The following NAA35 variants were observed in gnomAD, a reference collection of about 807,000 sequenced individuals.
The protein encoded by NAA35 is N-alpha-acetyltransferase 35, NatC auxiliary subunit, also known as MAK10 homolog, amino-acid N-acetyltransferase subunit.
In NAA35, 18 loss-of-function variants were observed where a neutral mutation model predicts 101.7. The observed-to-expected ratio is 0.18, with a 90% confidence interval of 0.12 to 0.26. NAA35 has a LOEUF of 0.26. NAA35 is among the 10% of genes least tolerant of loss of function. NAA35 has a pLI of 1.00. For missense variants in NAA35, 601 were observed against 886.8 expected (o/e 0.68, Z 4.09); for synonymous variants, 267 against 273.1 (o/e 0.98, Z 0.22).
chr9:85,989,123 C>CACATCA (rs1199099594), intron 11 of NAA35, among the ~76,000 whole-genome samples: 1 of 152,156 alleles, frequency 6.6e-6, no homozygotes, highest in Admixed American at 6.5e-5. Context: ...CATGGTTCTT[C>CACATCA]ACATCAACAT....
chr9:85,946,098 T>C (rs1268721649), intron 2 of NAA35, among the ~76,000 whole-genome samples: 1 of 152,086 alleles, frequency 6.6e-6, no homozygotes, highest in Non-Finnish European at 1.5e-5. Flanking sequence ...TAAGTAACAC[T>C]TCTAGGCTTG....
chr9:85,952,168 C>G (rs1015359243), intron 2 of NAA35, among the ~76,000 whole-genome samples: 10 of 150,306 alleles, frequency 6.7e-5, no homozygotes, highest in Admixed American at 2.7e-4. Context: ...GTGACAGACT[C>G]ATGTATTTTT....
intron 2 of NAA35, among the ~76,000 whole-genome samples, chr9:85,946,026 CTAAATTATT>C (rs1828746259): frequency 6.6e-6 from 1 of 151,644 alleles, no homozygotes; most frequent in African/African-American, 2.4e-5. Context: ...TTTTTCTTTT[CTAAATTATT>C]TATAATTTAG....
At chr9:86,010,719 C>T (rs1177499291) in intron 15 of NAA35, among the ~76,000 whole-genome samples, 1 of 151,040 alleles carries the variant, frequency 6.6e-6, no homozygotes, top group Non-Finnish European at 1.5e-5. Flanking sequence ...GGACTACAGG[C>T]GCCGCCATCA....
At chr9:85,985,802 A>G (rs1830623323) in intron 11 of NAA35, among the ~76,000 whole-genome samples, 1 of 152,208 alleles carries the variant, frequency 6.6e-6, no homozygotes, top group Admixed American at 6.5e-5. Context: ...ATGATTTCAG[A>G]CTGGGGGGAA....
At chr9:86,021,671 C>T (rs913582857) in intron 22 of NAA35, among the ~76,000 whole-genome samples, 6 of 152,162 alleles carry the variant, frequency 3.9e-5, no homozygotes, top group Non-Finnish European at 7.4e-5. Context: ...AGATAGAAAA[C>T]AGCTGGTCAG....
chr9:86,017,364 C>A, intron 18 of NAA35, 134 bp from the exon 19 acceptor site: 2 of 620,042 alleles, frequency 3.2e-6, no homozygotes, highest in Non-Finnish European at 5.5e-6. Flanking sequence ...TAAAATTTAA[C>A]CTGTAGGAAC....
At chr9:86,010,549 C>CA (rs1564324450) in intron 15 of NAA35, among the ~76,000 whole-genome samples, 1 of 124,072 alleles carries the variant, frequency 8.1e-6, no homozygotes, top group East Asian at 2.3e-4. Context: ...AAAAACTTTA[C>CA]TTTTTTTTTT....
chr9:85,968,890 C>G (rs369232431), intron 6 of NAA35, among the ~76,000 whole-genome samples: 3 of 152,294 alleles, frequency 2.0e-5, no homozygotes, highest in East Asian at 3.9e-4. Flanking sequence ...TTTCCCTTCT[C>G]ATACAAAATT....
chr9:86,012,100 T>C (rs943183660), intron 15 of NAA35, among the ~76,000 whole-genome samples: 4 of 149,608 alleles, frequency 2.7e-5, no homozygotes, highest in African/African-American at 7.4e-5. Flanking sequence ...CATATCACTT[T>C]AATTTTTAAA....
At position 85,994,245 on chromosome 9, in the gene NAA35, A is replaced by G. The variant is rs538235033; in HGVS notation, c.878-2154A>G. On this transcript the variant is annotated intron_variant, in intron 11 of 22. Coordinates refer to ENST00000361671, the MANE Select transcript of NAA35 (RefSeq NM_024635.4). ...TTAATTACATCCACATTGCTGTGCA[A>G]CTATCACCACTGTCTCCAGAACTTT... Among the ~76,000 whole-genome samples, 149 of 152,286 alleles carry G rather than the reference A, an allele frequency of 9.8e-4. 4 individuals carry two copies. The South Asian group carries it at 0.03, about 30-fold the overall frequency.
At chr9:85,997,018 T>G (rs564538263) in intron 12 of NAA35, among the ~76,000 whole-genome samples, 2 of 152,134 alleles carry the variant, frequency 1.3e-5, no homozygotes, top group South Asian at 4.2e-4. Context: ...TGGCATGATC[T>G]CAGCTCACTG....
chr9:85,997,093 C>T (rs1244068893), intron 12 of NAA35, among the ~76,000 whole-genome samples: 1 of 151,986 alleles, frequency 6.6e-6, no homozygotes, highest in Non-Finnish European at 1.5e-5. Flanking sequence ...GCTGGGACCA[C>T]AGGCGTGTGC....
Position 85,941,630 on chromosome 9 carries a change from C to T in NAA35, c.-6+357C>T, listed in dbSNP as rs763839574. On this transcript the variant is annotated intron_variant, in intron 1 of 22. Transcript: ENST00000361671. ...GGTGTGCCTCGGCCCTAGGCCCGGC[C>T]GGCGGGACCCTGCGGTGCCTGCCGG... 9.3e-5 allele frequency: 92 copies of T among 986,104 alleles called. 1 individual carries two copies. Among genetic ancestry groups the T allele is most frequent in the Non-Finnish European group, 1.1e-4 (89 of 830,536 alleles). 61.1% of individuals were successfully genotyped at this position (986,104 alleles called of 1,614,324 possible).
At chr9:85,989,103 ATAT>A (rs1830781913) in intron 11 of NAA35, among the ~76,000 whole-genome samples, 1 of 152,238 alleles carries the variant, frequency 6.6e-6, no homozygotes, top group Non-Finnish European at 1.5e-5. Context: ...AGCAACTATT[ATAT>A]TGGCTTCATG....
At chr9:85,985,951 GA>G (rs1488144366) in intron 11 of NAA35, among the ~76,000 whole-genome samples, 1 of 152,156 alleles carries the variant, frequency 6.6e-6, no homozygotes, top group Non-Finnish European at 1.5e-5. Context: ...AATAAATCAA[GA>G]AAGAGGGAAG....
At chr9:86,004,373 A>G (rs1181759070) in intron 13 of NAA35, among the ~76,000 whole-genome samples, 1 of 151,886 alleles carries the variant, frequency 6.6e-6, no homozygotes, top group East Asian at 1.9e-4. Context: ...CCAAAGTGCT[A>G]GGATTACAGG....
chr9:85,950,900 G>T (rs1234751689), intron 2 of NAA35, among the ~76,000 whole-genome samples: 1 of 152,112 alleles, frequency 6.6e-6, no homozygotes, highest in Non-Finnish European at 1.5e-5. Flanking sequence ...ACTTTGGGAG[G>T]CCAAGGCGGG....
At position 85,953,357 on chromosome 9, in the gene NAA35, A is replaced by G. The variant is rs560501325; in HGVS notation, c.125-3003A>G. Among the ~76,000 whole-genome samples the G allele has an allele frequency of 5.9e-5, 9 of 151,720 alleles. No homozygotes were observed. In the East Asian group the frequency reaches 1.4e-3, roughly 23 times the overall value. ...TTATCTTGTGAAGCTAAAATTCTCT[A>G]TCCATTAAACAAACGGTAACTCTTC... is the stretch of plus-strand genomic sequence containing the variant. On this transcript the variant is annotated intron_variant, in intron 2 of 22. Coordinates refer to ENST00000361671, the MANE Select transcript of NAA35 (RefSeq NM_024635.4).
Sources: allele counts gnomAD v4.1 joint callset (sites outside exome capture counted in the v4.1 genomes callset), GRCh38; gene constraint gnomAD v4.1.1; transcripts MANE v1.5; gene names NCBI Gene and HGNC (gene_info 2026-07-23, HGNC 2026-07-21).